RNASET2: variants seen among roughly 807,000 people sequenced by gnomAD.
The protein encoded by RNASET2 is ribonuclease T2.
In RNASET2, 28 loss-of-function variants were observed where a neutral mutation model predicts 33.9. The observed-to-expected ratio is 0.83, with a 90% confidence interval of 0.61 to 1.13. The LOEUF (loss-of-function observed/expected upper bound fraction) is 1.13, where lower values mean the gene tolerates loss of function less well. Ranked by LOEUF, RNASET2 falls within the 50% of genes most tolerant of loss-of-function variation. The pLI, the probability that RNASET2 is intolerant of heterozygous loss-of-function variation, is 0.00. For synonymous variants in RNASET2, 123 were observed against 121.0 expected (o/e 1.02, Z -0.11); for missense variants, 330 against 319.9 (o/e 1.03, Z -0.24).
chr6:166,928,940 C>T lies in RNASET2; in HGVS notation c.*648G>A, dbSNP rs1778348901. On this transcript the variant is annotated 3_prime_UTR_variant, in exon 9 of 9. Transcript: ENST00000508775. ...GAAGTGAGGCCTGACAGAAACTGAC[C>T]TTCCAGTAACCTGGAAGAGACTGCT... 1.3e-5 allele frequency among the ~76,000 whole-genome samples: 2 copies of T among 152,350 alleles called. No individual in the cohort carries two copies. The highest frequency in any genetic ancestry group is 3.4e-3 in the Middle Eastern group (1 of 294).
intron 5 of RNASET2, 131 bp downstream of exon 5, chr6:166,942,888 C>A (rs1056800384): frequency 5.3e-6 from 4 of 751,088 alleles, no homozygotes; most frequent in Admixed American, 2.2e-5. Context: ...AAAGGTTGTT[C>A]AAACTGCTCA....
intron 1 of RNASET2, among the ~76,000 whole-genome samples, chr6:166,955,215 A>ACG (rs1779087814): frequency 4.5e-5 from 4 of 88,274 alleles, no homozygotes; most frequent in African/African-American, 2.2e-4. Context: ...ACACGCACGC[A>ACG]CACACGCGCA....
intron 3 of RNASET2, among the ~76,000 whole-genome samples, chr6:166,948,009 T>C (rs980716446): frequency 2.6e-5 from 4 of 152,216 alleles, no homozygotes; most frequent in Non-Finnish European, 5.9e-5. Flanking sequence ...AATTAAAATG[T>C]AGTGACCCTG....
chr6:166,930,896 G>A, intron 8 of RNASET2, 148 bp downstream of exon 8: 3 of 712,168 alleles, frequency 4.2e-6, no homozygotes, highest in Non-Finnish European at 2.6e-6. Flanking sequence ...ACACACACAT[G>A]CACACACACA....
intron 5 of RNASET2, among the ~76,000 whole-genome samples, chr6:166,942,587 G>A (rs895835233): frequency 7.2e-5 from 11 of 151,970 alleles, no homozygotes; most frequent in Admixed American, 1.3e-4. Context: ...GACCACAGCC[G>A]CACAATACCA....
intron 4 of RNASET2, chr6:166,945,434 G>A (rs1307830707): frequency 6.5e-6 from 1 of 154,626 alleles, no homozygotes; most frequent in East Asian, 1.9e-4. Flanking sequence ...GACAGCACCA[G>A]GCTCTGGGGT....
intron 1 of RNASET2, chr6:166,955,447 A>G (rs1168477346): frequency 1.0e-6 from 1 of 979,182 alleles, no homozygotes; most frequent in Non-Finnish European, 1.2e-6. Context: ...AGCCAAGGGA[A>G]GGGATTCAGA....
In RNASET2 at chr6:166,928,832, A is replaced by G. The variant is rs915863884; in HGVS notation, c.*756T>C. On this transcript the variant is annotated 3_prime_UTR_variant, in exon 9 of 9. Transcript: ENST00000508775. Reference sequence around the variant, plus strand: ...GGTACCTCCGGTTCTGGAACACACAATGTAGGCACATTTCGCTGGGGGCTC... The same window carrying G: ...GGTACCTCCGGTTCTGGAACACACAGTGTAGGCACATTTCGCTGGGGGCTC... 6.6e-6 allele frequency among the ~76,000 whole-genome samples: 1 copy of G among 152,176 alleles called. No homozygotes were observed. The highest frequency in any genetic ancestry group is 6.5e-5 in the Admixed American group (1 of 15,288).
At position 166,927,061 on chromosome 6, in the gene RNASET2, G is replaced by A. The variant is rs1778318738; in HGVS notation, c.*2527C>T. On this transcript the variant is annotated 3_prime_UTR_variant, in exon 9 of 9. Transcript: ENST00000508775. Reference sequence around the variant, plus strand: ...CCGCTCACATGGGAGGCATTTCTCAGTCACCTCCGCCCAGTTACAGCGAGA... The same window carrying A: ...CCGCTCACATGGGAGGCATTTCTCAATCACCTCCGCCCAGTTACAGCGAGA... Among the ~76,000 whole-genome samples the A allele has an allele frequency of 6.6e-6, 1 of 152,228 alleles. No individual in the cohort carries two copies. The highest frequency in any genetic ancestry group is 6.5e-5 in the Admixed American group (1 of 15,280).
chr6:166,941,471 C>A (rs1778692104), intron 5 of RNASET2, among the ~76,000 whole-genome samples: 1 of 152,112 alleles, frequency 6.6e-6, no homozygotes, highest in South Asian at 2.1e-4. Flanking sequence ...TTTTTCCTAT[C>A]TTCTTCCATT....
chr6:166,945,843 A>AAAAAGAAAAG (rs111595265), intron 4 of RNASET2, among the ~76,000 whole-genome samples: 5,755 of 146,002 alleles, frequency 0.039, 149 homozygotes, highest in East Asian at 0.1. Context: ...AAAAAAAAAA[A>AAAAAGAAAAG]AAAAGAAAAG....
At position 166,938,926 on chromosome 6, in the gene RNASET2, G is replaced by C. The variant is rs1426418231; in HGVS notation, c.415C>G (p.Leu139Val). Residue 139 changes from leucine to valine, a missense_variant, in exon 6 of 9, where the codon CTG becomes GTG. Physicochemically the swap from Leu to Val is conservative, Grantham distance 32. Coordinates refer to ENST00000508775, the MANE Select transcript of RNASET2 (RefSeq NM_003730.6). ...NSQKKYFGRS[L>V]ELYRELDLNS... ...AGGTCCAGCTCCCTGTAGAGTTCCA[G>C]GCTTCTGCCAAAGTACTTCTTCTGG... 2.5e-6 allele frequency: 4 copies of C among 1,613,922 alleles called. No individual in the cohort carries two copies. Among genetic ancestry groups the C allele is most frequent in the Non-Finnish European group, 3.4e-6 (4 of 1,179,950 alleles).
In RNASET2 at chr6:166,925,420, G is replaced by C. The variant is rs1001153595; in HGVS notation, c.*4168C>G. 1.4e-5 allele frequency among the ~76,000 whole-genome samples: 2 copies of C among 139,514 alleles called. No homozygotes were observed. The highest frequency in any genetic ancestry group is 5.4e-5 in the African/African-American group (2 of 36,870). 91.5% of individuals were successfully genotyped at this position (139,514 alleles called of 152,430 possible). On this transcript the variant is annotated 3_prime_UTR_variant, in exon 9 of 9. Transcript: ENST00000508775. ...AGCCCTCACCTCCCCTGTCCAGCCC[G>C]TCCTCACCTACACTGCACAGCCCTC...
chr6:166,928,173 T>A lies in RNASET2; in HGVS notation c.*1415A>T, dbSNP rs1258046336. ...GGTGCTGCCTGTCTCAGGCTCTTAC[T>A]GCAGAGCTTGTTTCCAGAGGGCCAG... On this transcript the variant is annotated 3_prime_UTR_variant, in exon 9 of 9. Transcript: ENST00000508775. Among the ~76,000 whole-genome samples, 1 of 152,222 alleles carries A rather than the reference T, an allele frequency of 6.6e-6. No homozygotes were observed. The highest frequency in any genetic ancestry group is 1.5e-5 in the Non-Finnish European group (1 of 68,028).
At position 166,925,711 on chromosome 6, in the gene RNASET2, G is replaced by A. The variant is rs118076902; in HGVS notation, c.*3877C>T. On this transcript the variant is annotated 3_prime_UTR_variant, in exon 9 of 9. Coordinates refer to ENST00000508775, the MANE Select transcript of RNASET2 (RefSeq NM_003730.6). ...CCTGGTCCCTGGGCGTGGAGGCGCA[G>A]AGCCACCCAGGACTGCAAAAGAACT... Among the ~76,000 whole-genome samples, 496 of 152,320 alleles carry A rather than the reference G, an allele frequency of 3.3e-3. 5 individuals are homozygous for A. Among genetic ancestry groups the A allele is most frequent in the East Asian group, 0.014 (72 of 5,186 alleles).
intron 4 of RNASET2, among the ~76,000 whole-genome samples, chr6:166,944,727 C>T (rs958303727): frequency 2.0e-4 from 30 of 151,734 alleles, no homozygotes; most frequent in Admixed American, 7.2e-4. Flanking sequence ...CTGGACCCCC[C>T]GGGGATATGC....
chr6:166,943,893 G>A (rs574624205), intron 4 of RNASET2: 12 of 345,350 alleles, frequency 3.5e-5, no homozygotes, highest in African/African-American at 1.8e-4. Context: ...AGGCCGATGC[G>A]GGCGGATCAC....
At chr6:166,938,858 CCACTGGGAAGTG>C (rs1253242922) in intron 6 of RNASET2, 25 bp downstream of exon 6, 15 of 1,455,242 alleles carry the variant, frequency 1.0e-5, no homozygotes, top group Non-Finnish European at 1.4e-5. Context: ...GCAGAGATCC[CCACTGGGAAGTG>C]CAGCCGGGGG....
In RNASET2 at chr6:166,929,416, C is replaced by T; in HGVS notation, c.*172G>A. 1 of 718,920 alleles carries T rather than the reference C, an allele frequency of 1.4e-6. No homozygotes were observed. The highest frequency in any genetic ancestry group is 2.4e-6 in the Non-Finnish European group (1 of 413,568). 44.5% of individuals were successfully genotyped at this position (718,920 alleles called of 1,614,324 possible). Reference sequence around the variant, plus strand: ...CACTCAGGCGTGGGAGAGCTCCTTTCTCCCCGTGTACGCCACATGCACTCA... The same window carrying T: ...CACTCAGGCGTGGGAGAGCTCCTTTTTCCCCGTGTACGCCACATGCACTCA... On this transcript the variant is annotated 3_prime_UTR_variant, in exon 9 of 9. Coordinates refer to ENST00000508775, the MANE Select transcript of RNASET2 (RefSeq NM_003730.6).
Sources: gnomAD v4.1 joint callset for allele counts (sites outside exome capture counted in the v4.1 genomes callset) on GRCh38, gnomAD v4.1.1 for gene constraint, MANE v1.5 for transcripts, NCBI Gene and HGNC (gene_info 2026-07-23, HGNC 2026-07-21) for gene names.